NXN: variants seen among roughly 807,000 people sequenced by gnomAD.
NXN encodes the protein nucleoredoxin 1.
A neutral mutation model predicts 48.6 loss-of-function variants in NXN; 16 were observed. The observed-to-expected ratio is 0.33, with a 90% CI of 0.22 to 0.50. The LOEUF (loss-of-function observed/expected upper bound fraction) is 0.50. NXN is among the 20% of genes least tolerant of loss of function. The pLI is 0.98. For missense variants in NXN, 492 were observed against 605.5 expected (o/e 0.81, Z 1.97); for synonymous variants, 281 against 269.6 (o/e 1.04, Z -0.41).
chr17:898,007 G>A (rs1246310907), intron 1 of NXN, among the ~76,000 whole-genome samples: 1 of 152,156 alleles, frequency 6.6e-6, no homozygotes, highest in African/African-American at 2.4e-5. Context: ...AGGATAACTT[G>A]ATATTGTGCA....
chr17:818,814 G>C (rs1912639750), intron 5 of NXN, among the ~76,000 whole-genome samples: 1 of 151,614 alleles, frequency 6.6e-6, no homozygotes. Context: ...GAACCCGGGA[G>C]GCGGAGCTTG....
At chr17:941,834 T>C (rs1426109407) in intron 1 of NXN, among the ~76,000 whole-genome samples, 1 of 58,500 alleles carries the variant, frequency 1.7e-5, no homozygotes. Context: ...GATTCCAGGG[T>C]GCAGCCATGA....
intron 5 of NXN, among the ~76,000 whole-genome samples, chr17:809,808 C>T (rs74742252): frequency 0.062 from 9,374 of 152,202 alleles, 447 homozygotes; most frequent in Middle Eastern, 0.092. Context: ...GTGCATGTGA[C>T]GAGTCCGTGT....
chr17:878,626 T>C (rs540555013), intron 1 of NXN, among the ~76,000 whole-genome samples: 1 of 152,158 alleles, frequency 6.6e-6, no homozygotes, highest in East Asian at 1.9e-4. Flanking sequence ...ACTGGTACTG[T>C]AGCCAGGTTG....
chr17:979,760 C>A lies in NXN; in HGVS notation c.-82G>T. On this transcript the variant is annotated 5_prime_UTR_variant, in exon 1 of 8. Transcript: ENST00000336868. Reference sequence around the variant, plus strand: ...CGGGAGGAGGCGGCGGCGTCGGCGGCAGGCGCTGGGGAGAGCAGAGCCCGG... The same window carrying A: ...CGGGAGGAGGCGGCGGCGTCGGCGGAAGGCGCTGGGGAGAGCAGAGCCCGG... 1.2e-5 allele frequency: 14 copies of A among 1,180,424 alleles called. No homozygotes were observed. The South Asian group carries it at 3.2e-4, about 27-fold the overall frequency. 73.1% of individuals were successfully genotyped at this position (1,180,424 alleles called of 1,614,324 possible).
intron 1 of NXN, among the ~76,000 whole-genome samples, chr17:858,284 G>A (rs2068006512): frequency 6.6e-6 from 1 of 152,052 alleles, no homozygotes. Context: ...CTCCCAAAGT[G>A]CTGGGATTAC....
intron 1 of NXN, among the ~76,000 whole-genome samples, chr17:835,421 C>T (rs915327856): frequency 6.6e-6 from 1 of 151,312 alleles, no homozygotes; most frequent in Non-Finnish European, 1.5e-5. Flanking sequence ...AGAAAAAAAA[C>T]AAAGAGGAGA....
intron 5 of NXN, among the ~76,000 whole-genome samples, chr17:818,430 G>A (rs939302625): frequency 2.0e-5 from 3 of 151,866 alleles, no homozygotes; most frequent in Non-Finnish European, 2.9e-5. Context: ...ATTCTCTGTG[G>A]CAAAGCTTTA....
chr17:910,943 G>C, intron 1 of NXN: 1 of 152,130 alleles, frequency 6.6e-6, no homozygotes, highest in Non-Finnish European at 1.5e-5. Context: ...TGTTCCGGGA[G>C]ACTCTGGACT....
At chr17:945,116 C>G (rs1354987273) in intron 1 of NXN, among the ~76,000 whole-genome samples, 1 of 152,116 alleles carries the variant, frequency 6.6e-6, no homozygotes, top group African/African-American at 2.4e-5. Flanking sequence ...GAGTCTCGCT[C>G]TGTGGCCCAG....
intron 1 of NXN, among the ~76,000 whole-genome samples, chr17:875,262 C>A (rs1030534761): frequency 7.9e-5 from 12 of 152,032 alleles, no homozygotes; most frequent in Non-Finnish European, 1.5e-4. Flanking sequence ...GAACTCCTGA[C>A]CTCAGGTGAT....
intron 1 of NXN, among the ~76,000 whole-genome samples, chr17:853,143 A>G (rs2067942853): frequency 6.6e-6 from 1 of 152,028 alleles, no homozygotes; most frequent in South Asian, 2.1e-4. Context: ...ATGCCCGGCT[A>G]AAAACATAAA....
At position 956,575 on chromosome 17, in the gene NXN, G is replaced by A. The variant is rs569418273; in HGVS notation, c.360+22744C>T. ...ACTACAGGCGCCCGCCACCACGTCC[G>A]GCTAATTTTTTGTATTTTTAGTAGC... On this transcript the variant is annotated intron_variant, in intron 1 of 7. Transcript: ENST00000336868. The surrounding 1 kb of genome is among the most constrained non-coding windows in gnomAD (Gnocchi z 4.1). Among the ~76,000 whole-genome samples, 210 of 152,112 alleles carry A rather than the reference G, an allele frequency of 1.4e-3. No individual in the cohort carries two copies. Among genetic ancestry groups the A allele is most frequent in the African/African-American group, 4.6e-3 (193 of 41,524 alleles).
At chr17:867,651 C>A (rs111793311) in intron 1 of NXN, among the ~76,000 whole-genome samples, 1 of 152,050 alleles carries the variant, frequency 6.6e-6, no homozygotes, top group Admixed American at 6.6e-5. Context: ...AACAGGCCAG[C>A]GTGGTGGCTC....
intron 1 of NXN, among the ~76,000 whole-genome samples, chr17:883,027 T>C (rs1229319481): frequency 6.6e-6 from 1 of 152,176 alleles, no homozygotes; most frequent in Non-Finnish European, 1.5e-5. Flanking sequence ...GCATTGGGAT[T>C]ACAGGCGTGA....
At chr17:891,952 C>T (rs1177553510) in intron 1 of NXN, among the ~76,000 whole-genome samples, 1 of 144,444 alleles carries the variant, frequency 6.9e-6, no homozygotes, top group Non-Finnish European at 1.5e-5. Flanking sequence ...CTAAACTAAC[C>T]CCACCATGCA....
chr17:870,327 C>T (rs1211029241), intron 1 of NXN, among the ~76,000 whole-genome samples: 1 of 152,150 alleles, frequency 6.6e-6, no homozygotes, highest in Non-Finnish European at 1.5e-5. Flanking sequence ...ACTAACGGGG[C>T]AAGCACCTTG....
At position 909,098 on chromosome 17, in the gene NXN, C is replaced by CAAAAAAAAA. The variant is rs59822805; in HGVS notation, c.360+70212_360+70220dup. On this transcript the variant is annotated intron_variant, in intron 1 of 7. Transcript: ENST00000336868. ...TGGGCGACAGAGTGAGACTTCGTCT[C>CAAAAAAAAA]AAAAAAAAAAAAAAAAAAAAAAAAA... 2.8e-4 allele frequency among the ~76,000 whole-genome samples: 33 copies of CAAAAAAAAA among 117,362 alleles called. 2 individuals are homozygous for CAAAAAAAAA. The highest frequency in any genetic ancestry group is 7.8e-4 in the East Asian group (3 of 3,822). The allele number at this position is 117,362 out of a possible 152,430, so 77.0% of individuals were successfully genotyped here. A position where few individuals can be genotyped will look rare whatever the true frequency, so the allele number is the denominator to read the frequency against.
chr17:813,031 GTGAA>G (rs937653797), intron 5 of NXN, among the ~76,000 whole-genome samples: 5 of 151,752 alleles, frequency 3.3e-5, no homozygotes, highest in Admixed American at 6.6e-5. Context: ...GCACGCGTGT[GTGAA>G]TGTGTGAGCG....
Sources: allele counts gnomAD v4.1 joint callset (sites outside exome capture counted in the v4.1 genomes callset), GRCh38; gene constraint gnomAD v4.1.1; non-coding constraint Gnocchi (gnomAD v3.1); transcripts MANE v1.5; gene names NCBI Gene and HGNC (gene_info 2026-07-23, HGNC 2026-07-21).